RCOR3: variants seen among roughly 807,000 people sequenced by gnomAD.
RCOR3 encodes REST corepressor 3.
RCOR3 carries 13 observed loss-of-function variants against 64.1 expected under a neutral mutation model. The ratio of observed to expected loss-of-function variants is 0.20; its 90% confidence interval spans 0.13 to 0.32. RCOR3 has a LOEUF of 0.32. Ranked by LOEUF, RCOR3 falls within the 10% of genes least tolerant of loss-of-function variation. RCOR3 has a pLI of 1.00. For missense variants in RCOR3, 489 were observed against 701.2 expected (o/e 0.70, Z 3.42); for synonymous variants, 215 against 239.0 (o/e 0.90, Z 0.93).
At chr1:211,297,539 A>G (rs996133335) in intron 9 of RCOR3, among the ~76,000 whole-genome samples, 1 of 152,134 alleles carries the variant, frequency 6.6e-6, no homozygotes, top group African/African-American at 2.4e-5. Context: ...CCACATTTTA[A>G]TGCAGCTATT....
chr1:211,304,059 G>T, intron 9 of RCOR3, 24 bp from the exon 10 acceptor site: 1 of 1,573,154 alleles, frequency 6.4e-7, no homozygotes, highest in African/African-American at 1.4e-5. Context: ...ATCCTCATTA[G>T]GAAACTTCTC....
chr1:211,298,085 T>TA (rs796290307), intron 9 of RCOR3, among the ~76,000 whole-genome samples: 39 of 152,270 alleles, frequency 2.6e-4, no homozygotes, highest in African/African-American at 8.2e-4. Context: ...GGCACTGTGT[T>TA]AGGCCCGGTG....
At position 211,261,923 on chromosome 1, in the gene RCOR3, C is replaced by CAAAAA. The variant is rs1158597755; in HGVS notation, c.223+1773_223+1777dup. On this transcript the variant is annotated intron_variant, in intron 2 of 11. Transcript: ENST00000419091. ...TGGGCAACAGAGTGAGACTCCATCT[C>CAAAAA]AAAAAAAAAAAAAAAAAACTGAATT... Among the ~76,000 whole-genome samples the CAAAAA allele has an allele frequency of 8.8e-5, 3 of 34,122 alleles. 1 individual carries two copies. The highest frequency in any genetic ancestry group is 3.6e-4 in the African/African-American group (3 of 8,236). 22.4% of individuals were successfully genotyped at this position (34,122 alleles called of 152,430 possible). A position where few individuals can be genotyped will look rare whatever the true frequency, so the allele number is the denominator to read the frequency against.
intron 8 of RCOR3, among the ~76,000 whole-genome samples, chr1:211,293,116 A>AATAAATAC (rs1699447376): frequency 1.3e-5 from 2 of 149,716 alleles, no homozygotes; most frequent in Non-Finnish European, 3.0e-5. Flanking sequence ...TAAATAAATA[A>AATAAATAC]ATAAGTCTTA....
chr1:211,270,318 C>T (rs1447234798), intron 2 of RCOR3, among the ~76,000 whole-genome samples: 2 of 152,146 alleles, frequency 1.3e-5, no homozygotes, highest in Non-Finnish European at 2.9e-5. Flanking sequence ...CTGCCTTAGC[C>T]TCCCAAAGTG....
At chr1:211,260,243 C>CATGG (rs1368849751) in intron 2 of RCOR3, 79 bp downstream of exon 2, 20 of 1,323,720 alleles carry the variant, frequency 1.5e-5, no homozygotes, top group Non-Finnish European at 2.2e-5. Context: ...GGAGTCCGGG[C>CATGG]ATGGGGCCGG....
intron 10 of RCOR3, among the ~76,000 whole-genome samples, chr1:211,308,737 A>G (rs1227879002): frequency 1.1e-5 from 1 of 87,552 alleles, no homozygotes; most frequent in African/African-American, 3.7e-5. Flanking sequence ...TTTGAGACAG[A>G]GTCTCACTTT....
At chr1:211,261,327 T>G (rs1195058994) in intron 2 of RCOR3, 2 of 152,126 alleles carry the variant, frequency 1.3e-5, no homozygotes, top group East Asian at 3.9e-4. Context: ...ATAGCAGCTC[T>G]TCCTCCTGTC....
At chr1:211,281,928 A>G (rs1340029280) in intron 7 of RCOR3, among the ~76,000 whole-genome samples, 2 of 152,080 alleles carry the variant, frequency 1.3e-5, no homozygotes, top group African/African-American at 4.8e-5. Context: ...ACTATTTTCC[A>G]CTCCCAGGGA....
At chr1:211,291,497 T>A in intron 8 of RCOR3, 1 of 446,770 alleles carries the variant, frequency 2.2e-6, no homozygotes, top group Non-Finnish European at 4.5e-6. Flanking sequence ...TCAACCTGGA[T>A]ATGTTTTGAT....
chr1:211,308,673 G>GTTTTTTTTTTTTTTTTTTT (rs545513442), intron 10 of RCOR3, among the ~76,000 whole-genome samples: 18 of 40,470 alleles, frequency 4.4e-4, no homozygotes, highest in Admixed American at 9.3e-4. Context: ...TTTTTTTTTT[G>GTTTTTTTTTTTTTTTTTTT]TTTTTTTTTT....
chr1:211,283,020 G>A (rs192112637), intron 7 of RCOR3, among the ~76,000 whole-genome samples: 4 of 152,038 alleles, frequency 2.6e-5, no homozygotes, highest in African/African-American at 7.2e-5. Flanking sequence ...CATTTTTATT[G>A]CTATATTATA....
chr1:211,303,143 G>T (rs189066720), intron 9 of RCOR3: 4 of 151,922 alleles, frequency 2.6e-5, no homozygotes, highest in Non-Finnish European at 2.9e-5. Flanking sequence ...GGAATACAGT[G>T]GTTCGTTTTA....
intron 10 of RCOR3, among the ~76,000 whole-genome samples, chr1:211,305,739 C>T (rs1381151108): frequency 6.6e-6 from 1 of 152,064 alleles, no homozygotes; most frequent in Non-Finnish European, 1.5e-5. Context: ...TTATAGAGTC[C>T]ATTGAATCTT....
At chr1:211,300,565 T>C (rs182104041) in intron 9 of RCOR3, among the ~76,000 whole-genome samples, 2 of 152,354 alleles carry the variant, frequency 1.3e-5, no homozygotes, top group Non-Finnish European at 2.9e-5. Context: ...TTCCCTGGTT[T>C]GTCTTCTATA....
chr1:211,283,877 A>G (rs1376541393), intron 7 of RCOR3, among the ~76,000 whole-genome samples: 3 of 151,648 alleles, frequency 2.0e-5, no homozygotes, highest in Non-Finnish European at 4.4e-5. Flanking sequence ...CTGAATATAA[A>G]AAGTTTTTTC....
chr1:211,308,684 GTTTTTTTTTTTTTT>G lies in RCOR3; in HGVS notation c.1076-4034_1076-4021del, dbSNP rs71585833. On this transcript the variant is annotated intron_variant, in intron 10 of 11. Coordinates refer to ENST00000419091, the MANE Select transcript of RCOR3 (RefSeq NM_001136223.3). ...GTGTTTTTTTTTTTGTTTTTTTTTT[GTTTTTTTTTTTTTT>G]TGTGTAGTCCAAAATCAATTTTTTT... is the stretch of plus-strand genomic sequence containing the variant. Among the ~76,000 whole-genome samples, 71 of 42,062 alleles carry G rather than the reference GTTTTTTTTTTTTTT, an allele frequency of 1.7e-3. 3 individuals are homozygous for G. The highest frequency in any genetic ancestry group is 5.2e-3 in the African/African-American group (67 of 12,930). 27.6% of individuals were successfully genotyped at this position (42,062 alleles called of 152,430 possible). A position where few individuals can be genotyped will look rare whatever the true frequency, so the allele number is the denominator to read the frequency against.
At chr1:211,305,470 A>G (rs573306199) in intron 10 of RCOR3, among the ~76,000 whole-genome samples, 125 of 152,342 alleles carry the variant, frequency 8.2e-4, no homozygotes, top group African/African-American at 3.0e-3. Flanking sequence ...AATGGCCTAC[A>G]TGTTTAATAT....
intron 2 of RCOR3, among the ~76,000 whole-genome samples, chr1:211,268,080 T>TG (rs1282481339): frequency 2.6e-5 from 4 of 152,182 alleles, no homozygotes; most frequent in Admixed American, 2.6e-4. Context: ...CTTTCTTTGT[T>TG]GCATTTCGTG....
Sources: gnomAD v4.1 joint callset for allele counts (sites outside exome capture counted in the v4.1 genomes callset) on GRCh38, gnomAD v4.1.1 for gene constraint, MANE v1.5 for transcripts, NCBI Gene and HGNC (gene_info 2026-07-23, HGNC 2026-07-21) for gene names.